Variants in KIRREL3 observed in about 807,000 individuals in gnomAD.
KIRREL3 encodes kirre like nephrin family adhesion molecule 3.
KIRREL3 carries 36 observed loss-of-function variants against 89.7 expected under a neutral mutation model. The ratio of observed to expected loss-of-function variants is 0.40; its 90% confidence interval spans 0.31 to 0.53. KIRREL3 has a LOEUF of 0.53. KIRREL3 is among the 20% of genes least tolerant of loss of function. KIRREL3 has a pLI of 0.49. For synonymous variants in KIRREL3, 445 were observed against 441.4 expected, an observed-to-expected ratio of 1.01 and a Z score of -0.10; for missense variants, 864 against 1,056.6, an observed-to-expected ratio of 0.82 and a Z score of 2.53.
At chr11:126,916,854 C>T (rs926460393) in intron 1 of KIRREL3, among the ~76,000 whole-genome samples, 1 of 152,176 alleles carries the variant, frequency 6.6e-6, no homozygotes, top group Non-Finnish European at 1.5e-5. Flanking sequence ...TGTGCCTAGT[C>T]CAGTGTCCCA....
chr11:126,518,291 T>C (rs1228404611), intron 4 of KIRREL3, among the ~76,000 whole-genome samples: 1 of 152,264 alleles, frequency 6.6e-6, no homozygotes, highest in Non-Finnish European at 1.5e-5. Flanking sequence ...GCTGGCCCTC[T>C]GGCTTCATCT....
rs1010314974 is a variant in KIRREL3, at chr11:126,427,785, G to A, written c.1806+1394C>T. 1.3e-5 allele frequency among the ~76,000 whole-genome samples: 2 copies of A among 152,168 alleles called. No homozygotes were observed. The highest frequency in any genetic ancestry group is 2.4e-5 in the African/African-American group (1 of 41,428). ...GAAAGGCTGCTTTCTCAAGGCTCTC[G>A]AGGGTGGATTGAGAAAAGAGACAAA... On this transcript the variant is annotated intron_variant, in intron 15 of 16. Transcript: ENST00000525144. The surrounding 1 kb of genome is among the most constrained non-coding windows in gnomAD (Gnocchi z 5.3).
rs1342384810 is a variant in KIRREL3 at position 126,519,686 on chromosome 11, A to C, written c.433+1629T>G. 6.6e-6 allele frequency among the ~76,000 whole-genome samples: 1 copy of C among 152,114 alleles called. No individual in the cohort carries two copies. Among genetic ancestry groups the C allele is most frequent in the African/African-American group, 2.4e-5 (1 of 41,416 alleles). The stretch of plus-strand genomic sequence containing the variant: ...TAGAGGCAGATTCTTCTGAGGATGG[A>C]GGGGCTGAGCCATCTCTGAAGATGA... On this transcript the variant is annotated intron_variant, in intron 4 of 16. Transcript: ENST00000525144. This position sits in a 1 kb window ranked among gnomAD's most constrained non-coding sequence, Gnocchi z 4.3.
intron 1 of KIRREL3, among the ~76,000 whole-genome samples, chr11:126,648,759 A>G (rs1200258278): frequency 1.4e-5 from 1 of 71,646 alleles, no homozygotes; most frequent in Non-Finnish European, 3.2e-5. Flanking sequence ...ATCAAATAGG[A>G]ACTATATCTA....
At position 126,535,065 on chromosome 11, in the gene KIRREL3, A is replaced by T. The variant is rs1290497645; in HGVS notation, c.134-8378T>A. On this transcript the variant is annotated intron_variant, in intron 2 of 16. Transcript: ENST00000525144. This position sits in a 1 kb window ranked among gnomAD's most constrained non-coding sequence, Gnocchi z 4.5. Reference sequence around the variant, plus strand: ...TAGGGAGGTGGGCAGGAGGTGGAGCATTTGGTGGCCTTTTGGGGGCTCTGG... The same window carrying T: ...TAGGGAGGTGGGCAGGAGGTGGAGCTTTTGGTGGCCTTTTGGGGGCTCTGG... Among the ~76,000 whole-genome samples, 1 of 151,968 alleles carries T rather than the reference A, an allele frequency of 6.6e-6. No individual in the cohort carries two copies. Among genetic ancestry groups the T allele is most frequent in the African/African-American group, 2.4e-5 (1 of 41,380 alleles).
In KIRREL3 at chr11:126,863,478, CGTGT is replaced by C. The variant is rs1565363127; in HGVS notation, c.55+136973_55+136976del. 1.7e-4 allele frequency among the ~76,000 whole-genome samples: 9 copies of C among 52,280 alleles called. 1 individual carries two copies. The highest frequency in any genetic ancestry group is 7.8e-4 in the East Asian group (1 of 1,284). 34.3% of individuals were successfully genotyped at this position (52,280 alleles called of 152,430 possible). On this transcript the variant is annotated intron_variant, in intron 1 of 16. Coordinates refer to ENST00000525144, the MANE Select transcript of KIRREL3 (RefSeq NM_032531.4). ...GTTTGAGTGCGTGTGTGTGTGAGTG[CGTGT>C]GTGAGTGCGTGTGTGAGTGTGAGTG... is the stretch of plus-strand genomic sequence containing the variant.
rs1275752075 is a variant in KIRREL3, at chr11:126,694,137, A to T, written c.56-131225T>A. ...CATGGGCTCCATCCCTAAGGGAGCCACATTCGTTTTTTTTCCTTTCAAAGT... is the reference window on the plus strand; with the variant it reads ...CATGGGCTCCATCCCTAAGGGAGCCTCATTCGTTTTTTTTCCTTTCAAAGT... On this transcript the variant is annotated intron_variant, in intron 1 of 16. Transcript: ENST00000525144. The surrounding 1 kb of genome is among the most constrained non-coding windows in gnomAD (Gnocchi z 4.4). Among the ~76,000 whole-genome samples the T allele has an allele frequency of 3.3e-5, 5 of 152,258 alleles. No homozygotes were observed. In the East Asian group the frequency reaches 5.8e-4, roughly 18 times the overall value.
rs1946688855 is a variant in KIRREL3, at chr11:126,686,978, A to G, written c.56-124066T>C. On this transcript the variant is annotated intron_variant, in intron 1 of 16. Coordinates refer to ENST00000525144, the MANE Select transcript of KIRREL3 (RefSeq NM_032531.4). This position sits in a 1 kb window ranked among gnomAD's most constrained non-coding sequence, Gnocchi z 4.7. The stretch of plus-strand genomic sequence containing the variant: ...GTCAAATTCAGAAGGCCTGACAGAG[A>G]TGACATCCCTGGAACTGCAGTAGAG... Among the ~76,000 whole-genome samples, 1 of 152,200 alleles carries G rather than the reference A, an allele frequency of 6.6e-6. No individual in the cohort carries two copies.
rs547689920 is a variant in KIRREL3, at chr11:126,685,969, C to T, written c.56-123057G>A. Among the ~76,000 whole-genome samples, 1 of 152,358 alleles carries T rather than the reference C, an allele frequency of 6.6e-6. No homozygotes were observed. The highest frequency in any genetic ancestry group is 6.5e-5 in the Admixed American group (1 of 15,308). ...CAGCTTACTCCTTTGCTCCACCCGG[C>T]TCTGCCTCTGTTCCCTTCACCTGCT... On this transcript the variant is annotated intron_variant, in intron 1 of 16. Coordinates refer to ENST00000525144, the MANE Select transcript of KIRREL3 (RefSeq NM_032531.4). The surrounding 1 kb of genome is among the most constrained non-coding windows in gnomAD (Gnocchi z 5.5).
chr11:126,483,355 G>C (rs779537911), intron 4 of KIRREL3, among the ~76,000 whole-genome samples: 3 of 152,226 alleles, frequency 2.0e-5, no homozygotes, highest in Non-Finnish European at 2.9e-5. Context: ...AAATACATCT[G>C]TTGCACTTTT....
rs1162139292 is a variant in KIRREL3 at position 126,696,447 on chromosome 11, C to G, written c.56-133535G>C. ...CTGCCTTTGCCCAATCCCCAGCCTT[C>G]TATGAGATACCACATGCAGCCTGCA... On this transcript the variant is annotated intron_variant, in intron 1 of 16. Transcript: ENST00000525144. The surrounding 1 kb of genome is among the most constrained non-coding windows in gnomAD (Gnocchi z 4.4). Among the ~76,000 whole-genome samples the G allele has an allele frequency of 6.6e-6, 1 of 152,152 alleles. No homozygotes were observed. The highest frequency in any genetic ancestry group is 2.1e-4 in the South Asian group (1 of 4,838).
At chr11:126,604,950 T>A (rs1336567520) in intron 1 of KIRREL3, among the ~76,000 whole-genome samples, 4 of 152,100 alleles carry the variant, frequency 2.6e-5, no homozygotes, top group African/African-American at 9.7e-5. Context: ...ATAGCACACT[T>A]AGGAGGAGCA....
In KIRREL3 at chr11:126,609,186, C is replaced by T. The variant is rs558490336; in HGVS notation, c.56-46274G>A. ...TTTTCCCCGCTCTGAGACCGGACCTCAGGAAAGGGGTGCGGGGAAGGTTGG... is the reference window on the plus strand; with the variant it reads ...TTTTCCCCGCTCTGAGACCGGACCTTAGGAAAGGGGTGCGGGGAAGGTTGG... On this transcript the variant is annotated intron_variant, in intron 1 of 16. Coordinates refer to ENST00000525144, the MANE Select transcript of KIRREL3 (RefSeq NM_032531.4). This position sits in a 1 kb window ranked among gnomAD's most constrained non-coding sequence, Gnocchi z 5.0. Among the ~76,000 whole-genome samples, 5 of 152,232 alleles carry T rather than the reference C, an allele frequency of 3.3e-5. No individual in the cohort carries two copies. Among genetic ancestry groups the T allele is most frequent in the African/African-American group, 9.6e-5 (4 of 41,528 alleles).
In KIRREL3 at chr11:126,515,229, A is replaced by C. The variant is rs1184600629; in HGVS notation, c.433+6086T>G. On this transcript the variant is annotated intron_variant, in intron 4 of 16. Transcript: ENST00000525144. The surrounding 1 kb of genome is among the most constrained non-coding windows in gnomAD (Gnocchi z 4.2). ...TTGAGCCCAGAAGTTCAAGACAAGCATTAGCAACATGGCAAAACCCGGTCT... is the reference window on the plus strand; with the variant it reads ...TTGAGCCCAGAAGTTCAAGACAAGCCTTAGCAACATGGCAAAACCCGGTCT... Among the ~76,000 whole-genome samples, 3 of 152,160 alleles carry C rather than the reference A, an allele frequency of 2.0e-5. No homozygotes were observed. Among genetic ancestry groups the C allele is most frequent in the Non-Finnish European group, 4.4e-5 (3 of 68,034 alleles).
rs541774192 is a variant in KIRREL3, at chr11:126,736,411, C to T, written c.56-173499G>A. On this transcript the variant is annotated intron_variant, in intron 1 of 16. Transcript: ENST00000525144. The surrounding 1 kb of genome is among the most constrained non-coding windows in gnomAD (Gnocchi z 5.0). ...GAGCCAGGATTTGATGAGAGGTCCC[C>T]GTGACATTTCAACCCAAGCTGTTTT... Among the ~76,000 whole-genome samples the T allele has an allele frequency of 9.8e-5, 15 of 152,306 alleles. No individual in the cohort carries two copies. The highest frequency in any genetic ancestry group is 1.9e-4 in the African/African-American group (8 of 41,564).
In KIRREL3 at chr11:126,606,606, A is replaced by G. The variant is rs1463682827; in HGVS notation, c.56-43694T>C. Among the ~76,000 whole-genome samples, 4 of 152,108 alleles carry G rather than the reference A, an allele frequency of 2.6e-5. No homozygotes were observed. The highest frequency in any genetic ancestry group is 4.8e-5 in the African/African-American group (2 of 41,416). ...GACCTTACACACCCCAGGGGTTGAT[A>G]CCAGGCCGAGACCCTCGACATTCCA... On this transcript the variant is annotated intron_variant, in intron 1 of 16. Transcript: ENST00000525144. The surrounding 1 kb of genome is among the most constrained non-coding windows in gnomAD (Gnocchi z 4.6).
chr11:126,456,571 C>T lies in KIRREL3; in HGVS notation c.743-117G>A, dbSNP rs1282964101. On this transcript the variant is annotated intron_variant, in intron 6 of 16. Coordinates refer to ENST00000525144, the MANE Select transcript of KIRREL3 (RefSeq NM_032531.4). The stretch of plus-strand genomic sequence containing the variant: ...CACCCAGGGACCCTCAGAGCAGCCC[C>T]CGCCCTGGTGGTCTTCAGGAAGCTG... The T allele has an allele frequency of 5.1e-5, 35 of 682,618 alleles. No homozygotes were observed. The Middle Eastern group carries it at 9.1e-4, about 18-fold the overall frequency. The allele number at this position is 682,618 out of a possible 1,614,324, so 42.3% of individuals were successfully genotyped here.
intron 1 of KIRREL3, among the ~76,000 whole-genome samples, chr11:126,699,326 G>A (rs985249961): frequency 6.6e-6 from 1 of 152,204 alleles, no homozygotes; most frequent in Non-Finnish European, 1.5e-5. Context: ...GAGAAGAGTT[G>A]ACTCACATCA....
intron 1 of KIRREL3, among the ~76,000 whole-genome samples, chr11:126,863,258 C>G (rs1944761455): frequency 6.6e-6 from 1 of 152,228 alleles, no homozygotes; most frequent in African/African-American, 2.4e-5. Context: ...TGCTGGGATT[C>G]CAGCCTCCTC....
Sources: allele counts gnomAD v4.1 joint callset (sites outside exome capture counted in the v4.1 genomes callset), GRCh38; gene constraint gnomAD v4.1.1; non-coding constraint Gnocchi (gnomAD v3.1); transcripts MANE v1.5; gene names NCBI Gene and HGNC (gene_info 2026-07-23, HGNC 2026-07-21).